Variants in DSCAM observed in about 807,000 individuals in gnomAD.
The protein encoded by DSCAM is DS cell adhesion molecule.
Under a neutral mutation model 217.7 loss-of-function variants are expected in DSCAM, and 47 were observed. That is an observed-to-expected ratio of 0.22 (90% CI 0.17 to 0.28). DSCAM has a LOEUF of 0.28. Among genes scored for constraint, DSCAM ranks in the 10% least tolerant of loss-of-function variants. DSCAM has a pLI of 1.00. For missense variants in DSCAM, 2,080 were observed against 2,618.3 expected (o/e 0.79, Z 4.49); for synonymous variants, 1,056 against 1,015.3 (o/e 1.04, Z -0.76).
chr21:40,080,492 A>C (rs984410960), intron 24 of DSCAM, 152 bp from the exon 25 acceptor site: 48 of 677,074 alleles, frequency 7.1e-5, no homozygotes, highest in Admixed American at 1.0e-4. Context: ...GATTCCAGGA[A>C]ATGTAACCCA....
chr21:40,580,075 GTTTAAT>G (rs1376969869), intron 3 of DSCAM, among the ~76,000 whole-genome samples: 2 of 149,816 alleles, frequency 1.3e-5, no homozygotes, highest in East Asian at 4.0e-4. Context: ...ACTTTACCAT[GTTTAAT>G]TTTTTTTTTT....
intron 3 of DSCAM, among the ~76,000 whole-genome samples, chr21:40,457,014 C>A (rs2074345800): frequency 6.6e-6 from 1 of 151,836 alleles, no homozygotes; most frequent in South Asian, 2.1e-4. Context: ...GTCCATAGGA[C>A]AAAGAAGATG....
chr21:40,019,197 C>T (rs2088219014), intron 32 of DSCAM, among the ~76,000 whole-genome samples: 1 of 152,204 alleles, frequency 6.6e-6, no homozygotes, highest in African/African-American at 2.4e-5. Context: ...AGCAAGACAA[C>T]TCATGCAGTT....
chr21:40,113,869 C>G (rs9680444), intron 20 of DSCAM, among the ~76,000 whole-genome samples: 1,975 of 152,042 alleles, frequency 0.013, 44 homozygotes, highest in African/African-American at 0.045. Context: ...TGTGAAGGAC[C>G]TCTTCAAGGA....
intron 3 of DSCAM, among the ~76,000 whole-genome samples, chr21:40,624,710 A>G (rs1339501481): frequency 1.3e-5 from 2 of 152,238 alleles, no homozygotes; most frequent in African/African-American, 2.4e-5. Flanking sequence ...CAGGCCAAAA[A>G]AGAAAAAAGA....
chr21:40,225,002 G>T (rs2091319266), intron 11 of DSCAM, among the ~76,000 whole-genome samples: 1 of 152,156 alleles, frequency 6.6e-6, no homozygotes, highest in Non-Finnish European at 1.5e-5. Context: ...TTTCAAGGAG[G>T]TACTGTGCAT....
intron 3 of DSCAM, among the ~76,000 whole-genome samples, chr21:40,596,400 G>A (rs1430212105): frequency 6.6e-6 from 1 of 152,170 alleles, no homozygotes; most frequent in Non-Finnish European, 1.5e-5. Context: ...GAGTTGATGA[G>A]CGTAAGGTGA....
At chr21:40,511,781 G>T (rs2076259197) in intron 3 of DSCAM, among the ~76,000 whole-genome samples, 3 of 151,668 alleles carry the variant, frequency 2.0e-5, no homozygotes, top group Admixed American at 2.0e-4. Flanking sequence ...CATGAGGTCA[G>T]GAGATCGAGA....
At chr21:40,416,173 T>C (rs12482123) in intron 3 of DSCAM, among the ~76,000 whole-genome samples, 9,119 of 152,248 alleles carry the variant, frequency 0.06, 520 homozygotes, top group Admixed American at 0.17. Context: ...CTCTGCTTCA[T>C]ACCTGTCCTT....
chr21:40,011,249 A>T lies in DSCAM; in HGVS notation c.*1785T>A, dbSNP rs769497509. 6.6e-6 allele frequency: 1 copy of T among 152,248 alleles called. No individual in the cohort carries two copies. The highest frequency in any genetic ancestry group is 2.4e-5 in the African/African-American group (1 of 41,466). The allele number at this position is 152,248 out of a possible 1,614,324, so 9.4% of individuals were successfully genotyped here. On this transcript the variant is annotated 3_prime_UTR_variant, in exon 33 of 33. Coordinates refer to ENST00000400454, the MANE Select transcript of DSCAM (RefSeq NM_001389.5). ...ATTCCTGGAGTCATCTAACACTAGCATCAGCAGGTGGTCTTGACATGGTCC... is the reference window on the plus strand; with the variant it reads ...ATTCCTGGAGTCATCTAACACTAGCTTCAGCAGGTGGTCTTGACATGGTCC...
At chr21:40,648,404 C>T (rs2245115) in intron 3 of DSCAM, among the ~76,000 whole-genome samples, 57,814 of 151,688 alleles carry the variant, frequency 0.38, 11,834 homozygotes, top group East Asian at 0.6. Flanking sequence ...AGCTGACGTC[C>T]GTGGCTGAGC....
chr21:40,337,702 C>A (rs2074442524), intron 8 of DSCAM, among the ~76,000 whole-genome samples: 1 of 152,192 alleles, frequency 6.6e-6, no homozygotes, highest in Non-Finnish European at 1.5e-5. Context: ...TTGAAATCCT[C>A]ATCCAATACA....
intron 1 of DSCAM, among the ~76,000 whole-genome samples, chr21:40,758,001 T>C (rs986959740): frequency 5.9e-5 from 9 of 152,138 alleles, no homozygotes; most frequent in Non-Finnish European, 1.2e-4. Flanking sequence ...TGGATTACAA[T>C]GATCTCTAAT....
Position 40,637,653 on chromosome 21 carries a change from A to ATAAATATATATAAATATATATC in DSCAM, c.508+55156_508+55157insGATATATATTTATATATATTTA, listed in dbSNP as rs2089822101. On this transcript the variant is annotated intron_variant, in intron 3 of 32. Coordinates refer to ENST00000400454, the MANE Select transcript of DSCAM (RefSeq NM_001389.5). The stretch of plus-strand genomic sequence containing the variant: ...TATAAATATATATAAATATATATCT[A>ATAAATATATATAAATATATATC]TATATATATATATAAATTTTTTTCT... 1.5e-3 allele frequency among the ~76,000 whole-genome samples: 19 copies of ATAAATATATATAAATATATATC among 12,408 alleles called. 4 individuals carry two copies. Among genetic ancestry groups the ATAAATATATATAAATATATATC allele is most frequent in the African/African-American group, 4.8e-3 (12 of 2,482 alleles). The allele number at this position is 12,408 out of a possible 152,430, so 8.1% of individuals were successfully genotyped here. A position where few individuals can be genotyped will look rare whatever the true frequency, so the allele number is the denominator to read the frequency against.
intron 21 of DSCAM, among the ~76,000 whole-genome samples, chr21:40,088,680 A>C (rs113307890): frequency 0.019 from 2,870 of 152,296 alleles, 88 homozygotes; most frequent in African/African-American, 0.065. Flanking sequence ...AAAGGTCCTG[A>C]TTAGGCAGCA....
chr21:40,128,036 G>A (rs894327583), intron 19 of DSCAM, among the ~76,000 whole-genome samples: 1 of 151,634 alleles, frequency 6.6e-6, no homozygotes, highest in Non-Finnish European at 1.5e-5. Flanking sequence ...CCTCCAGGAA[G>A]TCTTCCCTGA....
At chr21:40,268,045 T>A (rs1053572497) in intron 11 of DSCAM, among the ~76,000 whole-genome samples, 3 of 152,184 alleles carry the variant, frequency 2.0e-5, no homozygotes, top group African/African-American at 7.2e-5. Flanking sequence ...GCTCCACAGA[T>A]GTAACCAATT....
At chr21:40,487,487 A>C (rs1378030784) in intron 3 of DSCAM, among the ~76,000 whole-genome samples, 1 of 152,074 alleles carries the variant, frequency 6.6e-6, no homozygotes, top group Admixed American at 6.5e-5. Context: ...GGGCTGCTGG[A>C]GCCACATCCT....
intron 11 of DSCAM, among the ~76,000 whole-genome samples, chr21:40,257,261 C>T (rs556894132): frequency 2.6e-5 from 4 of 152,348 alleles, no homozygotes; most frequent in Non-Finnish European, 4.4e-5. Flanking sequence ...CATCCTCCTG[C>T]ACACTTTAGG....
Sources: gnomAD v4.1 joint callset for allele counts (sites outside exome capture counted in the v4.1 genomes callset) on GRCh38, gnomAD v4.1.1 for gene constraint, MANE v1.5 for transcripts, NCBI Gene and HGNC (gene_info 2026-07-23, HGNC 2026-07-21) for gene names.